SHISA2: variants seen among roughly 807,000 people sequenced by gnomAD.
The protein encoded by SHISA2 is protein shisa-2 homolog.
In SHISA2, 16 loss-of-function variants were observed where a neutral mutation model predicts 23.8. The observed-to-expected ratio is 0.67, with a 90% confidence interval of 0.46 to 1.02. SHISA2 has a LOEUF of 1.02. SHISA2 is among the 50% of genes least tolerant of loss of function. The pLI, the probability that SHISA2 is intolerant of heterozygous loss-of-function variation, is 0.00. For synonymous variants in SHISA2, 201 were observed against 178.6 expected (o/e 1.13, Z -1.00); for missense variants, 459 against 420.1 (o/e 1.09, Z -0.81).
Position 26,044,845 on chromosome 13 carries a change from AAAGTT to A in SHISA2, c.*1663_*1667del, listed in dbSNP as rs1487314780. ...GTTGGAAATGTACTTGCACATCCTT[AAAGTT>A]ATCTTTTTTTATATAAGTAAAGAAC... On this transcript the variant is annotated 3_prime_UTR_variant, in exon 2 of 2. Transcript: ENST00000319420. 2 of 152,234 alleles carry A rather than the reference AAAGTT, an allele frequency of 1.3e-5. No individual in the cohort carries two copies. The highest frequency in any genetic ancestry group is 2.9e-5 in the Non-Finnish European group (2 of 68,032). 9.4% of individuals were successfully genotyped at this position (152,234 alleles called of 1,614,324 possible).
Position 26,051,337 on chromosome 13 carries a change from C to A in SHISA2, c.-362G>T, listed in dbSNP as rs1957302690. Among the ~76,000 whole-genome samples the A allele has an allele frequency of 2.0e-5, 3 of 152,174 alleles. No homozygotes were observed. Among genetic ancestry groups the A allele is most frequent in the South Asian group, 4.1e-4 (2 of 4,834 alleles). Reference sequence around the variant, plus strand: ...GAGCATCCCCGAAGGGATGCTCACTCGAGCCGAATGACCGCTGGGCGCGCC... The same window carrying A: ...GAGCATCCCCGAAGGGATGCTCACTAGAGCCGAATGACCGCTGGGCGCGCC... On this transcript the variant is annotated 5_prime_UTR_variant, in exon 1 of 2. Transcript: ENST00000319420.
Position 26,051,317 on chromosome 13 carries a change from T to C in SHISA2, c.-342A>G, listed in dbSNP as rs1957302534. 6.6e-6 allele frequency among the ~76,000 whole-genome samples: 1 copy of C among 151,918 alleles called. No individual in the cohort carries two copies. Among genetic ancestry groups the C allele is most frequent in the South Asian group, 2.1e-4 (1 of 4,824 alleles). On this transcript the variant is annotated 5_prime_UTR_variant, in exon 1 of 2. An upstream start codon of the reference 5' UTR is lost. Transcript: ENST00000319420. ...CTGGCAACCGGACCCTCCCTGAGCA[T>C]CCCCGAAGGGATGCTCACTCGAGCC...
At position 26,045,650 on chromosome 13, in the gene SHISA2, A is replaced by G. The variant is rs760120916; in HGVS notation, c.*863T>C. 9 of 152,174 alleles carry G rather than the reference A, an allele frequency of 5.9e-5. No homozygotes were observed. Among genetic ancestry groups the G allele is most frequent in the Non-Finnish European group, 7.3e-5 (5 of 68,044 alleles). The allele number at this position is 152,174 out of a possible 1,614,324, so 9.4% of individuals were successfully genotyped here. The stretch of plus-strand genomic sequence containing the variant: ...AAGCACAAAAATAGACAAAATATAT[A>G]TATCTTTTTACAATGAAATTAAGGT... On this transcript the variant is annotated 3_prime_UTR_variant, in exon 2 of 2. Coordinates refer to ENST00000319420, the MANE Select transcript of SHISA2 (RefSeq NM_001007538.2).
At position 26,051,193 on chromosome 13, in the gene SHISA2, C is replaced by T. The variant is rs1162039936; in HGVS notation, c.-218G>A. 6.6e-6 allele frequency among the ~76,000 whole-genome samples: 1 copy of T among 152,226 alleles called. No individual in the cohort carries two copies. The highest frequency in any genetic ancestry group is 2.4e-5 in the African/African-American group (1 of 41,472). On this transcript the variant is annotated 5_prime_UTR_variant, in exon 1 of 2. Transcript: ENST00000319420. The stretch of plus-strand genomic sequence containing the variant: ...CCGTCCTCAGCCGGTGGCCCGGTCC[C>T]CTTAGGGACTGCCTTATGAGTTGCA...
intron 1 of SHISA2, among the ~76,000 whole-genome samples, chr13:26,048,568 G>A (rs1003692339): frequency 6.6e-6 from 1 of 152,080 alleles, no homozygotes; most frequent in Admixed American, 6.6e-5. Flanking sequence ...GGTCTTACTG[G>A]TCTTGGCAAA....
chr13:26,047,399 T>A (rs1029993582), intron 1 of SHISA2, among the ~76,000 whole-genome samples: 1 of 152,246 alleles, frequency 6.6e-6, no homozygotes, highest in Non-Finnish European at 1.5e-5. Context: ...GTTATGGTTC[T>A]AAACTTCCTA....
At chr13:26,049,863 A>AAC (rs57979033) in intron 1 of SHISA2, among the ~76,000 whole-genome samples, 18,323 of 135,758 alleles carry the variant, frequency 0.13, 1,393 homozygotes, top group Middle Eastern at 0.16. Flanking sequence ...CGAAATAAAT[A>AAC]ACACACACAC....
chr13:26,050,870 C>T lies in SHISA2; in HGVS notation c.106G>A (p.Glu36Lys). Reference sequence around the variant, plus strand: ...GCGTCCAGCCAGCCGTGGCAGTACTCGCCGCTGGCCCTCGCCCCCGCCGCC... The same window carrying T: ...GCGTCCAGCCAGCCGTGGCAGTACTTGCCGCTGGCCCTCGCCCCCGCCGCC... The part of the protein sequence containing the change: ...LLAAGARASG[E>K]YCHGWLDAQG... Residue 36 changes from glutamate to lysine, a missense_variant, in exon 1 of 2, where the codon GAG becomes AAG. By Grantham distance (56) the Glu-to-Lys change is moderately conservative (BLOSUM62 1). Transcript: ENST00000319420. 6.6e-7 allele frequency: 1 copy of T among 1,523,534 alleles called. No homozygotes were observed. Among genetic ancestry groups the T allele is most frequent in the Middle Eastern group, 2.3e-4 (1 of 4,386 alleles). The allele number at this position is 1,523,534 out of a possible 1,614,324, so 94.4% of individuals were successfully genotyped here. A position where few individuals can be genotyped will look rare whatever the true frequency, so the allele number is the denominator to read the frequency against.
In SHISA2 at chr13:26,046,499, C is replaced by T; in HGVS notation, c.*14G>A. The T allele has an allele frequency of 6.4e-7, 1 of 1,570,750 alleles. No individual in the cohort carries two copies. Among genetic ancestry groups the T allele is most frequent in the Non-Finnish European group, 8.7e-7 (1 of 1,153,428 alleles). ...CGTCTCCCTTCAGTAAAGGAACCCA[C>T]CAGTGACTCTCGGTTATACAGTCAC... On this transcript the variant is annotated 3_prime_UTR_variant, in exon 2 of 2. Transcript: ENST00000319420.
rs1397673763 is a variant in SHISA2, at chr13:26,046,243, CACTTCGG to C, written c.*263_*269del. The C allele has an allele frequency of 2.8e-6, 1 of 360,718 alleles. No homozygotes were observed. Among genetic ancestry groups the C allele is most frequent in the Non-Finnish European group, 5.0e-6 (1 of 200,266 alleles). 22.3% of individuals were successfully genotyped at this position (360,718 alleles called of 1,614,324 possible). On this transcript the variant is annotated 3_prime_UTR_variant, in exon 2 of 2. Coordinates refer to ENST00000319420, the MANE Select transcript of SHISA2 (RefSeq NM_001007538.2). ...TCTTTCGTCAACCATATCTCAAGGG[CACTTCGG>C]ACTCAAGCATTTGTTATACACCCAT...
chr13:26,051,343 G>A lies in SHISA2; in HGVS notation c.-368C>T, dbSNP rs1455958868. On this transcript the variant is annotated 5_prime_UTR_variant, in exon 1 of 2. Coordinates refer to ENST00000319420, the MANE Select transcript of SHISA2 (RefSeq NM_001007538.2). Reference sequence around the variant, plus strand: ...CCCCGAAGGGATGCTCACTCGAGCCGAATGACCGCTGGGCGCGCCGCCGCG... The same window carrying A: ...CCCCGAAGGGATGCTCACTCGAGCCAAATGACCGCTGGGCGCGCCGCCGCG... Among the ~76,000 whole-genome samples the A allele has an allele frequency of 6.6e-6, 1 of 152,138 alleles. No individual in the cohort carries two copies. Among genetic ancestry groups the A allele is most frequent in the East Asian group, 1.9e-4 (1 of 5,150 alleles).
Position 26,050,865 on chromosome 13 carries a change from G to A in SHISA2, c.111C>T (p.Tyr37=). 1 of 1,526,064 alleles carries A rather than the reference G, an allele frequency of 6.6e-7. No individual in the cohort carries two copies. The highest frequency in any genetic ancestry group is 8.7e-7 in the Non-Finnish European group (1 of 1,144,826). 94.5% of individuals were successfully genotyped at this position (1,526,064 alleles called of 1,614,324 possible). ...CCTGCGCGTCCAGCCAGCCGTGGCA[G>A]TACTCGCCGCTGGCCCTCGCCCCCG... The part of the protein sequence containing the change: ...LAAGARASGE[Y]CHGWLDAQGV... The change falls in exon 1 of 2, where the codon TAC becomes TAT. Residue 37 remains tyrosine (Y), a synonymous_variant. Coordinates refer to ENST00000319420, the MANE Select transcript of SHISA2 (RefSeq NM_001007538.2).
At position 26,044,730 on chromosome 13, in the gene SHISA2, G is replaced by A. The variant is rs1196173692; in HGVS notation, c.*1783C>T. The A allele has an allele frequency of 6.6e-6, 1 of 152,196 alleles. No homozygotes were observed. The highest frequency in any genetic ancestry group is 1.5e-5 in the Non-Finnish European group (1 of 68,036). 9.4% of individuals were successfully genotyped at this position (152,196 alleles called of 1,614,324 possible). A position where few individuals can be genotyped will look rare whatever the true frequency, so the allele number is the denominator to read the frequency against. On this transcript the variant is annotated 3_prime_UTR_variant, in exon 2 of 2. Coordinates refer to ENST00000319420, the MANE Select transcript of SHISA2 (RefSeq NM_001007538.2). The stretch of plus-strand genomic sequence containing the variant: ...ATTCAGTCATGAAACAGAATAGAAA[G>A]ATGATCGATAGATATCTATAGACAT...
In SHISA2 at chr13:26,052,001, G is replaced by A. The variant is rs1957308610; in HGVS notation, c.-1026C>T. Among the ~76,000 whole-genome samples, 1 of 152,110 alleles carries A rather than the reference G, an allele frequency of 6.6e-6. No individual in the cohort carries two copies. Among genetic ancestry groups the A allele is most frequent in the South Asian group, 2.1e-4 (1 of 4,826 alleles). The stretch of plus-strand genomic sequence containing the variant: ...CCTCGCCTCGCCCCGCCCGGCGCCA[G>A]ACCAGCTCCGACTCCGCTCGCTGCC... On this transcript the variant is annotated 5_prime_UTR_variant, in exon 1 of 2. Coordinates refer to ENST00000319420, the MANE Select transcript of SHISA2 (RefSeq NM_001007538.2).
Position 26,046,907 on chromosome 13 carries a change from G to A in SHISA2, c.494C>T (p.Pro165Leu), listed in dbSNP as rs1049438554. ...PGGNRLMETI[P>L]MIPSASTSRG... The stretch of plus-strand genomic sequence containing the variant: ...GGAGGTGCTGGCACTGGGGATCATG[G>A]GGATGGTCTCCATCAAGCGGTTACC... Residue 165 changes from proline to leucine, a missense_variant, in exon 2 of 2, where the codon CCC becomes CTC. Transcript: ENST00000319420. 10 of 1,613,542 alleles carry A rather than the reference G, an allele frequency of 6.2e-6. No homozygotes were observed. The highest frequency in any genetic ancestry group is 6.8e-6 in the Non-Finnish European group (8 of 1,179,770).
rs1957267724 is a variant in SHISA2, at chr13:26,046,424, A to G, written c.*89T>C. On this transcript the variant is annotated 3_prime_UTR_variant, in exon 2 of 2. Coordinates refer to ENST00000319420, the MANE Select transcript of SHISA2 (RefSeq NM_001007538.2). ...AGCCATCCAAAGGAATCGTGCCATA[A>G]ATACCACCGACATGTGCGGACTTCC... is the stretch of plus-strand genomic sequence containing the variant. 2 of 1,369,166 alleles carry G rather than the reference A, an allele frequency of 1.5e-6. No homozygotes were observed. Among genetic ancestry groups the G allele is most frequent in the Admixed American group, 2.5e-5 (1 of 40,348 alleles). 84.8% of individuals were successfully genotyped at this position (1,369,166 alleles called of 1,614,324 possible).
chr13:26,047,424 T>C (rs1208453239), intron 1 of SHISA2, among the ~76,000 whole-genome samples: 1 of 152,214 alleles, frequency 6.6e-6, no homozygotes, highest in Non-Finnish European at 1.5e-5. Context: ...AATCAAACTG[T>C]CCAAACTTAA....
At chr13:26,049,252 C>A (rs1187020136) in intron 1 of SHISA2, among the ~76,000 whole-genome samples, 1 of 152,096 alleles carries the variant, frequency 6.6e-6, no homozygotes, top group Non-Finnish European at 1.5e-5. Flanking sequence ...CTACTATAAG[C>A]CCCCCGGCAG....
intron 1 of SHISA2, 98 bp from the exon 2 acceptor site, chr13:26,047,164 T>C (rs1486220376): frequency 8.8e-6 from 11 of 1,256,474 alleles, no homozygotes; most frequent in African/African-American, 3.0e-5. Flanking sequence ...GCAACACTGA[T>C]ACCCACAGCT....
Sources: gnomAD v4.1 joint callset for allele counts (sites outside exome capture counted in the v4.1 genomes callset) on GRCh38, gnomAD v4.1.1 for gene constraint, MANE v1.5 for transcripts, NCBI Gene and HGNC (gene_info 2026-07-23, HGNC 2026-07-21) for gene names.